Variants in SAMD3 observed in about 807,000 individuals in gnomAD.
SAMD3 encodes sterile alpha motif domain-containing protein 3.
A neutral mutation model predicts 58.5 loss-of-function variants in SAMD3; 63 were observed. The observed-to-expected ratio is 1.08, with a 90% CI of 0.88 to 1.33. SAMD3 has a LOEUF of 1.33. SAMD3 is among the 40% of genes most tolerant of loss of function. The probability of loss-of-function intolerance (pLI) is 0.00; values close to 1 mark genes in which losing one functional copy is unlikely to be tolerated. For synonymous variants in SAMD3, 220 were observed against 210.3 expected (o/e 1.05, Z -0.40); for missense variants, 604 against 608.4 (o/e 0.99, Z 0.08).
intron 9 of SAMD3, 99 bp downstream of exon 9, chr6:130,154,714 AAAAAATATATAT>A (rs1309035123): frequency 1.3e-4 from 12 of 89,720 alleles, no homozygotes; most frequent in African/African-American, 4.1e-4. Flanking sequence ...AAAAAAAAAA[AAAAAATATATAT>A]ATATATATAT....
intron 8 of SAMD3, among the ~76,000 whole-genome samples, chr6:130,157,262 G>A (rs1789876175): frequency 6.6e-6 from 1 of 151,290 alleles, no homozygotes; most frequent in Admixed American, 6.6e-5. Flanking sequence ...ATCCCTCTAT[G>A]ATTAAAGAAA....
At chr6:130,351,460 A>G (rs1384595572) in intron 1 of SAMD3, among the ~76,000 whole-genome samples, 13 of 152,340 alleles carry the variant, frequency 8.5e-5, no homozygotes, top group African/African-American at 2.9e-4. Context: ...TATGCAGCCA[A>G]AAGACACACG....
chr6:130,175,766 A>C, intron 8 of SAMD3, 75 bp downstream of exon 8: 1 of 946,918 alleles, frequency 1.1e-6, no homozygotes, highest in Non-Finnish European at 1.6e-6. Context: ...ATTATTTTAA[A>C]TGCTATTATT....
chr6:130,149,830 T>C (rs1309333235), intron 9 of SAMD3, among the ~76,000 whole-genome samples: 3 of 152,156 alleles, frequency 2.0e-5, no homozygotes, highest in Non-Finnish European at 4.4e-5. Flanking sequence ...TCTACTTATA[T>C]AACAAACCTG....
intron 1 of SAMD3, among the ~76,000 whole-genome samples, chr6:130,334,493 T>TA (rs1337955959): frequency 3.9e-5 from 6 of 152,236 alleles, no homozygotes; most frequent in Admixed American, 3.3e-4. Context: ...CATAGTATGG[T>TA]AGAAACAGCA....
chr6:130,218,982 T>G (rs566804991), intron 1 of SAMD3, among the ~76,000 whole-genome samples: 20 of 152,010 alleles, frequency 1.3e-4, no homozygotes, highest in Non-Finnish European at 2.4e-4. Flanking sequence ...GAACTGAGAG[T>G]ATGTTCCATG....
chr6:130,362,356 A>G (rs1778012982), intron 1 of SAMD3, among the ~76,000 whole-genome samples: 1 of 152,236 alleles, frequency 6.6e-6, no homozygotes, highest in Non-Finnish European at 1.5e-5. Context: ...GTCAGGCACT[A>G]ACGAAAGAAT....
chr6:130,347,481 T>C (rs535553709), intron 1 of SAMD3, among the ~76,000 whole-genome samples: 2 of 152,110 alleles, frequency 1.3e-5, no homozygotes, highest in East Asian at 1.9e-4. Flanking sequence ...GTGTCAGTGA[T>C]GGAAGATCAA....
intron 2 of SAMD3, among the ~76,000 whole-genome samples, chr6:130,283,874 C>A (rs1775070017): frequency 6.6e-6 from 1 of 152,180 alleles, no homozygotes; most frequent in Non-Finnish European, 1.5e-5. Flanking sequence ...GAGGGTCTTG[C>A]TCTGTCACCC....
intron 5 of SAMD3, 23 bp downstream of exon 5, chr6:130,209,472 T>C (rs1459164404): frequency 1.6e-6 from 2 of 1,261,904 alleles, no homozygotes; most frequent in Admixed American, 1.7e-5. Context: ...GGCTTTAAAC[T>C]GTCTTAAAGT....
intron 11 of SAMD3, 52 bp downstream of exon 11, chr6:130,145,288 A>T (rs1216532433): frequency 1.2e-6 from 1 of 819,432 alleles, no homozygotes; most frequent in Non-Finnish European, 1.9e-6. Context: ...AATATAAATA[A>T]TCGCATGAAG....
intron 10 of SAMD3, 100 bp from the exon 11 acceptor site, chr6:130,145,522 C>G: frequency 9.8e-6 from 7 of 717,106 alleles, no homozygotes; most frequent in Non-Finnish European, 1.7e-5. Flanking sequence ...TTACCTTGGA[C>G]AGAAAACAAA....
Position 130,246,510 on chromosome 6 carries a change from ATT to A in SAMD3, c.-187-23699_-187-23698del, listed in dbSNP as rs11356571. Among the ~76,000 whole-genome samples the A allele has an allele frequency of 6.1e-3, 898 of 147,976 alleles. 8 individuals are homozygous for A. The highest frequency in any genetic ancestry group is 0.021 in the African/African-American group (854 of 40,638). ...ATCATGCCTTGGCACTTGTATTGGT[ATT>A]TTTTTTTTTTTGAGAATGTTGCATG... On this transcript the variant is annotated intron_variant, in intron 2 of 13. Transcript: ENST00000368134.
intron 1 of SAMD3, among the ~76,000 whole-genome samples, chr6:130,327,629 A>G (rs1197441424): frequency 6.6e-6 from 1 of 152,236 alleles, no homozygotes; most frequent in Non-Finnish European, 1.5e-5. Flanking sequence ...AAGCCTTACT[A>G]AGTTGATTAA....
intron 1 of SAMD3, among the ~76,000 whole-genome samples, chr6:130,351,020 C>T (rs550952704): frequency 1.3e-5 from 2 of 152,194 alleles, no homozygotes; most frequent in South Asian, 4.2e-4. Context: ...AGTGGCTAGC[C>T]ATATGTAGAA....
intron 2 of SAMD3, among the ~76,000 whole-genome samples, chr6:130,311,092 T>C (rs553960010): frequency 5.5e-4 from 83 of 152,140 alleles, no homozygotes; most frequent in Non-Finnish European, 8.8e-4. Context: ...GAACCACACA[T>C]ACCGTGCACC....
chr6:130,266,306 G>A (rs1346080071), intron 2 of SAMD3, among the ~76,000 whole-genome samples: 1 of 152,110 alleles, frequency 6.6e-6, no homozygotes, highest in Admixed American at 6.5e-5. Flanking sequence ...GTCACTTCAT[G>A]TTATGTATGT....
At chr6:130,256,036 T>C (rs1289219156) in intron 2 of SAMD3, among the ~76,000 whole-genome samples, 1 of 151,532 alleles carries the variant, frequency 6.6e-6, no homozygotes, top group Admixed American at 6.6e-5. Flanking sequence ...CTTTGTGGTT[T>C]GATGGTTTTT....
intron 8 of SAMD3, among the ~76,000 whole-genome samples, chr6:130,163,224 AGTG>A (rs1482289826): frequency 6.6e-6 from 1 of 152,232 alleles, no homozygotes; most frequent in Non-Finnish European, 1.5e-5. Flanking sequence ...TTTTGCATAT[AGTG>A]AGTTAAATAT....
Sources: gnomAD v4.1 joint callset for allele counts (sites outside exome capture counted in the v4.1 genomes callset) on GRCh38, gnomAD v4.1.1 for gene constraint, MANE v1.5 for transcripts, NCBI Gene and HGNC (gene_info 2026-07-23, HGNC 2026-07-21) for gene names.